Variants in GDI2 observed in about 807,000 individuals in gnomAD.
The protein encoded by GDI2 is GDP dissociation inhibitor 2, also known as rab GDP dissociation inhibitor beta.
Under a neutral mutation model 54.2 loss-of-function variants are expected in GDI2, and 22 were observed. The ratio of observed to expected loss-of-function variants is 0.41; its 90% CI spans 0.29 to 0.58. The LOEUF (loss-of-function observed/expected upper bound fraction) is 0.58. GDI2 is among the 20% of genes least tolerant of loss of function. The probability of loss-of-function intolerance (pLI) is 0.35; values close to 1 mark genes in which losing one functional copy is unlikely to be tolerated. For missense variants in GDI2, 422 were observed against 546.0 expected, an observed-to-expected ratio of 0.77 and a Z score of 2.26; for synonymous variants, 177 against 182.1, an observed-to-expected ratio of 0.97 and a Z score of 0.23.
intron 8 of GDI2, among the ~76,000 whole-genome samples, chr10:5,767,787 CA>C (rs1158275727): frequency 6.6e-6 from 1 of 152,154 alleles, no homozygotes; most frequent in East Asian, 1.9e-4. Flanking sequence ...ATTTTAGAGC[CA>C]TGTCCTGATC....
chr10:5,790,700 T>C (rs2131703942), intron 4 of GDI2, among the ~76,000 whole-genome samples: 1 of 152,264 alleles, frequency 6.6e-6, no homozygotes, highest in East Asian at 1.9e-4. Flanking sequence ...TACTTAGCTA[T>C]TTATGTTATC....
intron 2 of GDI2, among the ~76,000 whole-genome samples, chr10:5,797,226 C>A (rs1841165503): frequency 6.6e-6 from 1 of 151,502 alleles, no homozygotes; most frequent in South Asian, 2.1e-4. Context: ...GCCTGACCAA[C>A]ATAGTGAAAC....
intron 2 of GDI2, among the ~76,000 whole-genome samples, chr10:5,797,621 AGGAGAATCACATGAATCTGGGAGGT>A (rs58028508): frequency 0.95 from 138,999 of 146,984 alleles, 66,008 homozygotes; most frequent in Non-Finnish European, 1. Flanking sequence ...AGGCTGAGGC[AGGAGAATCACATGAATCTGGGAGGT>A]GGAGAATCAC....
rs1840409841 is a variant in GDI2, at chr10:5,768,448, T to A, written c.820-64A>T. ...GGATATAGGGAAACACATCCCATGT[T>A]CATAGTTTGGAAGACTTAGTATTGT... On this transcript the variant is annotated intron_variant, in intron 7 of 10. Coordinates refer to ENST00000380191, the MANE Select transcript of GDI2 (RefSeq NM_001494.4). The surrounding 1 kb of genome is among the most constrained non-coding windows in gnomAD (Gnocchi z 4.4). 1 of 1,054,134 alleles carries A rather than the reference T, an allele frequency of 9.5e-7. No individual in the cohort carries two copies. The highest frequency in any genetic ancestry group is 1.4e-6 in the Non-Finnish European group (1 of 691,390). 65.3% of individuals were successfully genotyped at this position (1,054,134 alleles called of 1,614,324 possible).
At chr10:5,773,321 GAATT>G (rs1474113576) in intron 7 of GDI2, among the ~76,000 whole-genome samples, 1 of 152,108 alleles carries the variant, frequency 6.6e-6, no homozygotes, top group African/African-American at 2.4e-5. Context: ...AATGGCAGAA[GAATT>G]AATTCATATG....
chr10:5,813,244 G>A lies in GDI2; in HGVS notation c.15C>T (p.Tyr5=), dbSNP rs751194033. Residue 5 remains tyrosine (Y), a synonymous_variant, in exon 1 of 11, where the codon TAC becomes TAT. Transcript: ENST00000380191. MNEE[Y]DVIVLGTGLT... ...GGCCGGTGCCCAGCACGATCACGTC[G>A]TACTCCTCATTCATGGCGGGGCAGG... 1.3e-5 allele frequency: 20 copies of A among 1,597,006 alleles called. No homozygotes were observed. The African/African-American group carries it at 2.2e-4, about 17-fold the overall frequency.
At chr10:5,796,958 A>G in intron 2 of GDI2, 96 bp from the exon 3 acceptor site, 1 of 625,252 alleles carries the variant, frequency 1.6e-6, no homozygotes, top group South Asian at 2.0e-5. Context: ...TAGTATAACT[A>G]AACACCACCA....
intron 3 of GDI2, among the ~76,000 whole-genome samples, chr10:5,796,280 C>T (rs983520879): frequency 6.7e-6 from 1 of 149,714 alleles, no homozygotes; most frequent in African/African-American, 2.5e-5. Flanking sequence ...AACCAGAAGG[C>T]GGAGGTTGTA....
At chr10:5,772,907 C>T (rs975763028) in intron 7 of GDI2, among the ~76,000 whole-genome samples, 3 of 152,172 alleles carry the variant, frequency 2.0e-5, no homozygotes, top group Admixed American at 6.5e-5. Flanking sequence ...CTCAGCCATT[C>T]ATTAAACTGT....
chr10:5,790,125 A>G (rs1840979001), intron 4 of GDI2, among the ~76,000 whole-genome samples: 1 of 152,244 alleles, frequency 6.6e-6, no homozygotes, highest in Non-Finnish European at 1.5e-5. Context: ...TCATGACATT[A>G]CAAGAAAAAG....
At chr10:5,796,719 T>A in intron 3 of GDI2, 44 bp downstream of exon 3, 2 of 936,134 alleles carry the variant, frequency 2.1e-6, no homozygotes, top group Non-Finnish European at 3.5e-6. Flanking sequence ...ATATTAAAAT[T>A]GTAATCAAAG....
rs1840405747 is a variant in GDI2 at position 5,768,270 on chromosome 10, T to G, written c.934A>C (p.Asn312His). ...ATGATCTGGCAGGAGTTGGCATCAT[T>G]GGTGTTCTTGATGGGGTGGCTGAGG... ...CILSHPIKNT[N>H]DANSCQIIIP... Residue 312 changes from asparagine to histidine, a missense_variant, in exon 8 of 11, where the codon AAT becomes CAT. Coordinates refer to ENST00000380191, the MANE Select transcript of GDI2 (RefSeq NM_001494.4). This position sits in a 1 kb window ranked among gnomAD's most constrained non-coding sequence, Gnocchi z 4.4. 6.2e-7 allele frequency: 1 copy of G among 1,611,900 alleles called. No individual in the cohort carries two copies. The highest frequency in any genetic ancestry group is 1.3e-5 in the African/African-American group (1 of 74,878).
chr10:5,798,461 C>T (rs567919010), intron 2 of GDI2, among the ~76,000 whole-genome samples: 2 of 151,708 alleles, frequency 1.3e-5, no homozygotes, highest in Admixed American at 6.6e-5. Flanking sequence ...TGATGATGTA[C>T]GCCTGTAATT....
At chr10:5,777,916 A>C (rs1840662346) in intron 6 of GDI2, among the ~76,000 whole-genome samples, 1 of 152,252 alleles carries the variant, frequency 6.6e-6, no homozygotes, top group Non-Finnish European at 1.5e-5. Context: ...CGGGATAAAG[A>C]AAATGTGGCA....
Position 5,768,584 on chromosome 10 carries a change from TAAAA to T in GDI2, c.820-204_820-201del, listed in dbSNP as rs2131680095. The T allele has an allele frequency of 1.8e-6, 1 of 565,060 alleles. No individual in the cohort carries two copies. The highest frequency in any genetic ancestry group is 3.1e-5 in the Admixed American group (1 of 31,782). 35.0% of individuals were successfully genotyped at this position (565,060 alleles called of 1,614,324 possible). The stretch of plus-strand genomic sequence containing the variant: ...CAGCAAAGCTGGAGGACTCACTCAC[TAAAA>T]AGCTACAGTGATCAATTCAGTGTGG... On this transcript the variant is annotated intron_variant, in intron 7 of 10. Coordinates refer to ENST00000380191, the MANE Select transcript of GDI2 (RefSeq NM_001494.4). The surrounding 1 kb of genome is among the most constrained non-coding windows in gnomAD (Gnocchi z 4.4).
At chr10:5,781,409 TGAA>T (rs1488656480) in intron 6 of GDI2, among the ~76,000 whole-genome samples, 1 of 145,794 alleles carries the variant, frequency 6.9e-6, no homozygotes, top group Non-Finnish European at 1.5e-5. Context: ...AGGCGGATCA[TGAA>T]GTCAGCAGAT....
At chr10:5,780,209 C>CAA (rs747338122) in intron 6 of GDI2, among the ~76,000 whole-genome samples, 1 of 89,532 alleles carries the variant, frequency 1.1e-5, no homozygotes, top group African/African-American at 4.1e-5. Context: ...ATCGTGTCTC[C>CAA]AAAAAAAAAA....
rs1248716052 is a variant in GDI2 at position 5,765,774 on chromosome 10, A to AC, written c.*231_*232insG. On this transcript the variant is annotated 3_prime_UTR_variant, in exon 11 of 11. Transcript: ENST00000380191. ...TGTTTGTTTAACTTCACTAGAAAAA[A>AC]AAAAAGCCAGTTTGGTTAAATTGAA... 1 of 454,754 alleles carries AC rather than the reference A, an allele frequency of 2.2e-6. No homozygotes were observed. The highest frequency in any genetic ancestry group is 3.8e-6 in the Non-Finnish European group (1 of 261,400). The allele number at this position is 454,754 out of a possible 1,614,324, so 28.2% of individuals were successfully genotyped here.
intron 1 of GDI2, among the ~76,000 whole-genome samples, chr10:5,804,706 T>C (rs1049922986): frequency 2.6e-5 from 4 of 152,242 alleles, no homozygotes; most frequent in Admixed American, 6.5e-5. Flanking sequence ...GAAGTTTTAT[T>C]GGTAAATACC....
Sources: gnomAD v4.1 joint callset for allele counts (sites outside exome capture counted in the v4.1 genomes callset) on GRCh38, gnomAD v4.1.1 for gene constraint, Gnocchi (gnomAD v3.1) non-coding constraint, MANE v1.5 for transcripts, NCBI Gene and HGNC (gene_info 2026-07-23, HGNC 2026-07-21) for gene names.